ACBD6: variants seen among roughly 807,000 people sequenced by gnomAD.
ACBD6 encodes acyl-CoA binding domain containing 6.
Under a neutral mutation model 37.2 loss-of-function variants are expected in ACBD6, and 28 were observed. The observed-to-expected ratio is 0.75, with a 90% CI of 0.56 to 1.03. ACBD6 has a LOEUF of 1.03. Among genes scored for constraint, ACBD6 ranks in the 50% least tolerant of loss-of-function variants. The pLI is 0.00. For synonymous variants in ACBD6, 113 were observed against 126.8 expected (o/e 0.89, Z 0.73); for missense variants, 340 against 337.4 (o/e 1.01, Z -0.06).
chr1:180,298,885 G>T (rs538599077), intron 7 of ACBD6, among the ~76,000 whole-genome samples: 1 of 152,272 alleles, frequency 6.6e-6, no homozygotes, highest in South Asian at 2.1e-4. Flanking sequence ...AAGGACAAGG[G>T]TCCTTTTAAA....
intron 6 of ACBD6, among the ~76,000 whole-genome samples, chr1:180,315,010 G>A (rs566323740): frequency 1.1e-4 from 17 of 152,270 alleles, no homozygotes; most frequent in Admixed American, 9.8e-4. Context: ...TTAAAGTGAG[G>A]CAGTTTGGTT....
intron 6 of ACBD6, among the ~76,000 whole-genome samples, chr1:180,336,020 T>C (rs1260497368): frequency 2.0e-5 from 3 of 151,844 alleles, no homozygotes; most frequent in African/African-American, 7.2e-5. Context: ...AGCAAGTCCT[T>C]AGAGACCTAG....
At chr1:180,406,930 A>C (rs897242907) in intron 5 of ACBD6, among the ~76,000 whole-genome samples, 4 of 152,246 alleles carry the variant, frequency 2.6e-5, no homozygotes, top group Admixed American at 6.5e-5. Context: ...AGAAAGGGTT[A>C]AAAGTATTTA....
At chr1:180,388,520 T>A (rs1653940356) in intron 6 of ACBD6, among the ~76,000 whole-genome samples, 1 of 152,184 alleles carries the variant, frequency 6.6e-6, no homozygotes, top group African/African-American at 2.4e-5. Context: ...ATAAAAATTA[T>A]AAGGAATCCA....
At chr1:180,350,047 G>A (rs565700830) in intron 6 of ACBD6, among the ~76,000 whole-genome samples, 90 of 119,756 alleles carry the variant, frequency 7.5e-4, no homozygotes, top group African/African-American at 2.9e-3. Context: ...TTTTTTTTGA[G>A]CAGAGTCTTG....
chr1:180,441,896 G>C (rs1649294426), intron 3 of ACBD6, among the ~76,000 whole-genome samples: 1 of 152,012 alleles, frequency 6.6e-6, no homozygotes, highest in Non-Finnish European at 1.5e-5. Context: ...AATTGCTCTG[G>C]CTAGAATTTA....
intron 3 of ACBD6, among the ~76,000 whole-genome samples, chr1:180,466,050 T>C (rs1215116847): frequency 6.6e-6 from 1 of 152,122 alleles, no homozygotes; most frequent in Non-Finnish European, 1.5e-5. Flanking sequence ...GGTATTGAGC[T>C]TAATACCTGA....
intron 6 of ACBD6, among the ~76,000 whole-genome samples, chr1:180,332,743 G>A (rs1470293533): frequency 6.6e-6 from 1 of 152,012 alleles, no homozygotes; most frequent in Admixed American, 6.6e-5. Context: ...CACAATAAAT[G>A]TAATGCATTT....
chr1:180,470,475 G>T (rs74135188), intron 3 of ACBD6, among the ~76,000 whole-genome samples: 6,596 of 152,138 alleles, frequency 0.043, 458 homozygotes, highest in African/African-American at 0.14. Flanking sequence ...AAAGTCAATC[G>T]CCTTTCAGAT....
In ACBD6 at chr1:180,272,015, G is replaced by A. The variant is rs994001572; in HGVS notation, c.*1254-44C>T. The stretch of plus-strand genomic sequence containing the variant: ...TGAGCTGAGCTTCCGAGGTGAGCAG[G>A]GCTGGAGGGGCCAGGCCGAGGCCTT... On this transcript the variant is annotated intron_variant, in intron 13 of 13. Coordinates refer to the ACBD6 transcript ENST00000642319. 8 of 1,609,972 alleles carry A rather than the reference G, an allele frequency of 5.0e-6. No homozygotes were observed. Among genetic ancestry groups the A allele is most frequent in the Admixed American group, 1.7e-5 (1 of 59,764 alleles).
intron 3 of ACBD6, among the ~76,000 whole-genome samples, chr1:180,438,762 T>C (rs886299712): frequency 2.6e-5 from 4 of 152,180 alleles, no homozygotes; most frequent in Non-Finnish European, 4.4e-5. Context: ...AATACACTAT[T>C]ATTAATGAAA....
chr1:180,432,268 A>C (rs1345747435), intron 3 of ACBD6, among the ~76,000 whole-genome samples: 4 of 152,094 alleles, frequency 2.6e-5, no homozygotes, highest in Non-Finnish European at 5.9e-5. Context: ...CTTTATTAAA[A>C]CTGAAAATTT....
At chr1:180,300,668 T>C (rs1284564140) in intron 7 of ACBD6, among the ~76,000 whole-genome samples, 1 of 152,172 alleles carries the variant, frequency 6.6e-6, no homozygotes, top group South Asian at 2.1e-4. Context: ...ATGATTAATA[T>C]AACCTGAGAG....
chr1:180,283,921 A>T (rs958356670), downstream of ACBD6, among the ~76,000 whole-genome samples: 12 of 148,930 alleles, frequency 8.1e-5, no homozygotes, highest in African/African-American at 1.6e-4. Flanking sequence ...TTCCAAAATT[A>T]AAAAAAACAC....
At chr1:180,423,974 GTC>G (rs1404968971) in intron 4 of ACBD6, among the ~76,000 whole-genome samples, 1 of 152,004 alleles carries the variant, frequency 6.6e-6, no homozygotes, top group Non-Finnish European at 1.5e-5. Flanking sequence ...AAAGACCAAA[GTC>G]TCCAATTTTA....
At chr1:180,359,939 T>C (rs901262447) in intron 6 of ACBD6, among the ~76,000 whole-genome samples, 1 of 152,196 alleles carries the variant, frequency 6.6e-6, no homozygotes, top group Non-Finnish European at 1.5e-5. Context: ...ATATTCCAGA[T>C]AACATTATTA....
chr1:180,495,415 T>G (rs1238140772), intron 2 of ACBD6, 46 bp downstream of exon 2: 3 of 1,399,094 alleles, frequency 2.1e-6, no homozygotes, highest in Non-Finnish European at 3.0e-6. Flanking sequence ...CCTAAACACC[T>G]AAGCCATTTC....
At chr1:180,430,792 G>A (rs1648782910) in intron 3 of ACBD6, among the ~76,000 whole-genome samples, 1 of 151,546 alleles carries the variant, frequency 6.6e-6, no homozygotes, top group Admixed American at 6.6e-5. Context: ...GAAGCAAACT[G>A]CACAGAAATA....
chr1:180,352,098 C>G (rs1652443280), intron 6 of ACBD6, among the ~76,000 whole-genome samples: 1 of 151,912 alleles, frequency 6.6e-6, no homozygotes. Flanking sequence ...TAGTCAAATT[C>G]AGAGAGACAG....
Sources: gnomAD v4.1 joint callset for allele counts (sites outside exome capture counted in the v4.1 genomes callset) on GRCh38, gnomAD v4.1.1 for gene constraint, MANE v1.5 for transcripts, NCBI Gene and HGNC (gene_info 2026-07-23, HGNC 2026-07-21) for gene names.